The following ZNF831 variants were observed in gnomAD, a reference collection of about 807,000 sequenced individuals.
ZNF831 encodes chromosome 20 open reading frame 174.
A neutral mutation model predicts 95.8 loss-of-function variants in ZNF831; 59 were observed. The ratio of observed to expected loss-of-function variants is 0.62; its 90% confidence interval spans 0.50 to 0.77. The LOEUF (loss-of-function observed/expected upper bound fraction) is 0.77. Among genes scored for constraint, ZNF831 ranks in the 30% least tolerant of loss-of-function variants. The pLI is 0.00. For synonymous variants in ZNF831, 961 were observed against 925.5 expected, an observed-to-expected ratio of 1.04 and a Z score of -0.70; for missense variants, 2,205 against 2,164.0, an observed-to-expected ratio of 1.02 and a Z score of -0.38.
chr20:59,224,214 A>G (rs1269897869), intron 4 of ZNF831, among the ~76,000 whole-genome samples: 1 of 152,158 alleles, frequency 6.6e-6, no homozygotes, highest in African/African-American at 2.4e-5. Context: ...TCCCCTCCCA[A>G]CAAGTGCGTG....
chr20:59,148,249 A>G (rs1055213953), intron 2 of ZNF831, among the ~76,000 whole-genome samples: 1 of 152,098 alleles, frequency 6.6e-6, no homozygotes, highest in African/African-American at 2.4e-5. Context: ...GAGGGTTTCC[A>G]TGATGGAATG....
chr20:59,142,540 A>G (rs1979715802), intron 1 of ZNF831, among the ~76,000 whole-genome samples: 2 of 152,246 alleles, frequency 1.3e-5, no homozygotes, highest in Admixed American at 1.3e-4. Context: ...TAGGGTGCGC[A>G]GAACCTGGGA....
chr20:59,174,346 C>T (rs930762346), intron 1 of ZNF831, among the ~76,000 whole-genome samples: 4 of 152,154 alleles, frequency 2.6e-5, no homozygotes, highest in Non-Finnish European at 5.9e-5. Context: ...TCAGATACCA[C>T]CGCATAATGG....
intron 2 of ZNF831, among the ~76,000 whole-genome samples, chr20:59,147,817 A>T (rs567044130): frequency 2.6e-4 from 40 of 152,296 alleles, no homozygotes; most frequent in African/African-American, 9.6e-4. Context: ...TCTCCAAAAA[A>T]CCTGTTCATA....
rs370064159 is a variant in ZNF831 at position 59,179,435 on chromosome 20, G to T, written c.-36-11549G>T. Reference sequence around the variant, plus strand: ...TGCAGTAACAAATGACCACACACTGGGGGGCTCACAGCAACAGAATGGATT... The same window carrying T: ...TGCAGTAACAAATGACCACACACTGTGGGGCTCACAGCAACAGAATGGATT... On this transcript the variant is annotated intron_variant, in intron 1 of 5. Coordinates refer to ENST00000371030, the MANE Select transcript of ZNF831 (RefSeq NM_178457.3). 2.7e-3 allele frequency among the ~76,000 whole-genome samples: 406 copies of T among 152,206 alleles called. 6 individuals are homozygous for T. The highest frequency in any genetic ancestry group is 9.3e-3 in the African/African-American group (387 of 41,526).
chr20:59,204,828 G>A (rs1198479611), intron 3 of ZNF831, among the ~76,000 whole-genome samples: 1 of 152,158 alleles, frequency 6.6e-6, no homozygotes, highest in African/African-American at 2.4e-5. Context: ...AGATGAGCTT[G>A]CAAAACCTTC....
At position 59,184,044 on chromosome 20, in the gene ZNF831, A is replaced by G. The variant is rs76395866; in HGVS notation, c.-36-6940A>G. ...CCACCTCTTCATCCCCTCCTCCCCC[A>G]ACCCCTGGCAACCCCTGACCTTTTC... On this transcript the variant is annotated intron_variant, in intron 1 of 5. Transcript: ENST00000371030. 4.0e-5 allele frequency among the ~76,000 whole-genome samples: 6 copies of G among 151,212 alleles called. No individual in the cohort carries two copies. In the East Asian group the frequency reaches 7.8e-4, roughly 20 times the overall value.
chr20:59,205,198 GGAA>G (rs761941350), intron 3 of ZNF831, among the ~76,000 whole-genome samples: 3 of 152,158 alleles, frequency 2.0e-5, no homozygotes, highest in African/African-American at 7.2e-5. Context: ...AGCAGCAGGT[GGAA>G]GAAGAATTCT....
At chr20:59,183,099 T>C (rs778137255) in intron 1 of ZNF831, among the ~76,000 whole-genome samples, 12 of 152,102 alleles carry the variant, frequency 7.9e-5, no homozygotes, top group Non-Finnish European at 1.3e-4. Flanking sequence ...TTCTGGGAAG[T>C]TGGGGCACCT....
chr20:59,210,048 C>T (rs1350959299), intron 4 of ZNF831, among the ~76,000 whole-genome samples: 1 of 152,190 alleles, frequency 6.6e-6, no homozygotes, highest in African/African-American at 2.4e-5. Context: ...ATTCAACCAT[C>T]CTTACAGGTT....
At position 59,156,624 on chromosome 20, in the gene ZNF831, T is replaced by A. The variant is rs1034398023; in HGVS notation, c.-1280-3028T>A. 2.0e-5 allele frequency among the ~76,000 whole-genome samples: 3 copies of A among 152,196 alleles called. No individual in the cohort carries two copies. In the East Asian group the frequency reaches 5.8e-4, roughly 29 times the overall value. ...ACTAGGCCTCCAGAACTTAGCCATC[T>A]CGCATAACTGAAACTTTGTAGCCTT... On this transcript the variant is annotated intron_variant, in intron 2 of 7. Coordinates refer to the ZNF831 transcript ENST00000637017.
chr20:59,243,062 A>G (rs757797138), intron 4 of ZNF831, among the ~76,000 whole-genome samples: 53 of 152,254 alleles, frequency 3.5e-4, no homozygotes, highest in Non-Finnish European at 6.6e-4. Flanking sequence ...ATTATTAGCA[A>G]TAAACCTGTA....
intron 4 of ZNF831, among the ~76,000 whole-genome samples, chr20:59,211,114 C>T (rs1385456072): frequency 2.0e-5 from 3 of 151,676 alleles, no homozygotes; most frequent in Non-Finnish European, 4.4e-5. Context: ...GAATATAGAT[C>T]TAAGAAACAA....
intron 1 of ZNF831, among the ~76,000 whole-genome samples, chr20:59,185,640 C>T (rs1982963074): frequency 6.6e-6 from 1 of 152,126 alleles, no homozygotes; most frequent in Admixed American, 6.5e-5. Flanking sequence ...GAGAGCTCTG[C>T]GTGTGCCTCG....
chr20:59,254,116 T>G lies in ZNF831; in HGVS notation c.4407T>G (p.Ala1469=). The change falls in exon 6 of 6, where the codon GCT becomes GCG. Residue 1469 remains alanine (A), a synonymous_variant. Coordinates refer to ENST00000371030, the MANE Select transcript of ZNF831 (RefSeq NM_178457.3). The surrounding 1 kb of genome is among the most constrained non-coding windows in gnomAD (Gnocchi z 4.5). ...TDPKPYIFSD[A]QRPSSFGSKG... The stretch of plus-strand genomic sequence containing the variant: ...CCAAACCATACATCTTCTCAGATGC[T>G]CAAAGGCCTTCTTCCTTTGGGTCCA... The G allele has an allele frequency of 6.2e-7, 1 of 1,614,074 alleles. No homozygotes were observed. Among genetic ancestry groups the G allele is most frequent in the Middle Eastern group, 1.6e-4 (1 of 6,062 alleles).
chr20:59,181,983 C>T (rs1281146311), intron 1 of ZNF831, among the ~76,000 whole-genome samples: 1 of 152,080 alleles, frequency 6.6e-6, no homozygotes, highest in African/African-American at 2.4e-5. Flanking sequence ...GTCCTTTATG[C>T]CAATCTTATT....
chr20:59,248,441 G>A lies in ZNF831; in HGVS notation c.4028-4537G>A, dbSNP rs371718685. Among the ~76,000 whole-genome samples, 287 of 152,328 alleles carry A rather than the reference G, an allele frequency of 1.9e-3. 1 individual carries two copies. Among genetic ancestry groups the A allele is most frequent in the South Asian group, 0.014 (67 of 4,826 alleles). On this transcript the variant is annotated intron_variant, in intron 4 of 5. Coordinates refer to ENST00000371030, the MANE Select transcript of ZNF831 (RefSeq NM_178457.3). Reference sequence around the variant, plus strand: ...TTGAGCATTTTTCACAATTATTAAAGATAATTCACTTTTCTCTGTAGACTG... The same window carrying A: ...TTGAGCATTTTTCACAATTATTAAAAATAATTCACTTTTCTCTGTAGACTG...
intron 1 of ZNF831, among the ~76,000 whole-genome samples, chr20:59,168,340 T>G (rs1036941728): frequency 1.3e-5 from 2 of 152,214 alleles, no homozygotes; most frequent in Non-Finnish European, 2.9e-5. Context: ...TATTTCGTTT[T>G]TCATTTAATT....
chr20:59,224,954 G>T (rs553746324), intron 4 of ZNF831, among the ~76,000 whole-genome samples: 1 of 147,624 alleles, frequency 6.8e-6, no homozygotes, highest in African/African-American at 2.5e-5. Context: ...TTTAAATTTT[G>T]TGATTTTTTT....
Sources: gnomAD v4.1 joint callset for allele counts (sites outside exome capture counted in the v4.1 genomes callset) on GRCh38, gnomAD v4.1.1 for gene constraint, Gnocchi (gnomAD v3.1) non-coding constraint, MANE v1.5 for transcripts, NCBI Gene and HGNC (gene_info 2026-07-23, HGNC 2026-07-21) for gene names.